Variants in TMEM117 observed in about 807,000 individuals in gnomAD.
TMEM117 encodes the protein transmembrane protein 117.
In TMEM117, 27 loss-of-function variants were observed where a neutral mutation model predicts 52.4. The ratio of observed to expected loss-of-function variants is 0.51; its 90% confidence interval spans 0.38 to 0.71. TMEM117 has a LOEUF of 0.71. TMEM117 is among the 30% of genes least tolerant of loss of function. The pLI is 0.00. For missense variants in TMEM117, 556 were observed against 630.5 expected (o/e 0.88, Z 1.26); for synonymous variants, 215 against 206.3 (o/e 1.04, Z -0.36).
chr12:44,363,126 A>C (rs1196277849), intron 6 of TMEM117, among the ~76,000 whole-genome samples: 1 of 152,130 alleles, frequency 6.6e-6, no homozygotes, highest in Non-Finnish European at 1.5e-5. Flanking sequence ...AAAAACACTC[A>C]TGGGACTGGA....
intron 5 of TMEM117, among the ~76,000 whole-genome samples, chr12:44,239,982 A>T (rs1011764309): frequency 2.0e-5 from 3 of 152,110 alleles, no homozygotes; most frequent in African/African-American, 7.2e-5. Context: ...CTATTATTTA[A>T]TAACTTACAG....
At chr12:43,898,977 G>A (rs1306661983) in intron 2 of TMEM117, among the ~76,000 whole-genome samples, 2 of 152,190 alleles carry the variant, frequency 1.3e-5, no homozygotes, top group East Asian at 3.9e-4. Context: ...GCAGCTGTCC[G>A]TCAGTGGATT....
At chr12:43,975,034 T>C (rs1298335194) in intron 3 of TMEM117, among the ~76,000 whole-genome samples, 2 of 152,150 alleles carry the variant, frequency 1.3e-5, no homozygotes, top group African/African-American at 4.8e-5. Context: ...AGCAAATGAA[T>C]TTGTCATTTT....
At chr12:44,115,899 C>T (rs979922407) in intron 3 of TMEM117, among the ~76,000 whole-genome samples, 2 of 152,168 alleles carry the variant, frequency 1.3e-5, no homozygotes, top group Non-Finnish European at 2.9e-5. Flanking sequence ...ACTAGAAACA[C>T]GATCGTGTCT....
rs144701410 is a variant in TMEM117 at position 43,895,498 on chromosome 12, G to A, written c.278-48712G>A. On this transcript the variant is annotated intron_variant, in intron 2 of 7. Coordinates refer to ENST00000266534, the MANE Select transcript of TMEM117 (RefSeq NM_032256.3). The stretch of plus-strand genomic sequence containing the variant: ...CTTGTTATATTTGAATAGTTTTACA[G>A]TTTATAAATGAATTAAAGCCATTAT... 5.9e-5 allele frequency among the ~76,000 whole-genome samples: 9 copies of A among 152,252 alleles called. No individual in the cohort carries two copies. The East Asian group carries it at 1.7e-3, about 29-fold the overall frequency.
At chr12:44,143,462 C>A in intron 3 of TMEM117, 63 bp from the exon 4 acceptor site, 5 of 1,289,088 alleles carry the variant, frequency 3.9e-6, no homozygotes, top group East Asian at 2.4e-5. Flanking sequence ...GTTGCTGAAC[C>A]AGAAAGCCTT....
chr12:44,227,020 A>G (rs1372549355), intron 5 of TMEM117, among the ~76,000 whole-genome samples: 1 of 152,100 alleles, frequency 6.6e-6, no homozygotes, highest in Non-Finnish European at 1.5e-5. Context: ...AAATACAAGC[A>G]CAACTTCATT....
intron 4 of TMEM117, among the ~76,000 whole-genome samples, chr12:44,165,474 C>G (rs940302056): frequency 4.6e-5 from 7 of 152,062 alleles, no homozygotes; most frequent in African/African-American, 1.7e-4. Context: ...TATATGCAGC[C>G]TAAAGAAATT....
chr12:44,311,765 A>G (rs1244093374), intron 6 of TMEM117, among the ~76,000 whole-genome samples: 19 of 128,290 alleles, frequency 1.5e-4, no homozygotes, highest in African/African-American at 6.8e-4. Flanking sequence ...ATGTATATAT[A>G]TATGTATATA....
chr12:43,837,580 C>G (rs1380488939), intron 1 of TMEM117, among the ~76,000 whole-genome samples: 1 of 152,126 alleles, frequency 6.6e-6, no homozygotes, highest in Non-Finnish European at 1.5e-5. Context: ...CTCTTGACTT[C>G]GTGATCCGCC....
chr12:44,391,308 T>C (rs527344126), downstream of TMEM117, among the ~76,000 whole-genome samples: 1 of 152,280 alleles, frequency 6.6e-6, no homozygotes, highest in South Asian at 2.1e-4. Context: ...TCTATTTGTA[T>C]TGTATAATCA....
chr12:44,079,156 T>C (rs917666455), intron 3 of TMEM117, among the ~76,000 whole-genome samples: 3 of 152,152 alleles, frequency 2.0e-5, no homozygotes, highest in South Asian at 2.1e-4. Context: ...CTATTGTGAA[T>C]AGTGCTGCAA....
intron 3 of TMEM117, among the ~76,000 whole-genome samples, chr12:43,990,992 T>G (rs1163155456): frequency 6.6e-6 from 1 of 152,192 alleles, no homozygotes; most frequent in Non-Finnish European, 1.5e-5. Context: ...TCTACTATAC[T>G]TTGATTAGGT....
At chr12:44,273,237 G>A (rs1241686478) in intron 5 of TMEM117, among the ~76,000 whole-genome samples, 3 of 151,740 alleles carry the variant, frequency 2.0e-5, no homozygotes, top group African/African-American at 7.3e-5. Flanking sequence ...GGAGGTGGGG[G>A]GATAGCATTA....
At chr12:44,266,071 A>G (rs1950374003) in intron 5 of TMEM117, among the ~76,000 whole-genome samples, 1 of 152,152 alleles carries the variant, frequency 6.6e-6, no homozygotes, top group Non-Finnish European at 1.5e-5. Context: ...CACATACTTT[A>G]TCTATGGATA....
chr12:44,144,029 G>A (rs1948607521), intron 4 of TMEM117, among the ~76,000 whole-genome samples: 1 of 152,154 alleles, frequency 6.6e-6, no homozygotes, highest in Admixed American at 6.5e-5. Flanking sequence ...AAGGAATGTG[G>A]TCTGGCCTGT....
chr12:43,879,583 G>T (rs1435569907), intron 2 of TMEM117, among the ~76,000 whole-genome samples: 2 of 152,182 alleles, frequency 1.3e-5, no homozygotes, highest in Non-Finnish European at 2.9e-5. Flanking sequence ...TGGGTCTAAT[G>T]AGGGCTATGT....
At chr12:44,272,434 C>T (rs1221487887) in intron 5 of TMEM117, among the ~76,000 whole-genome samples, 1 of 151,978 alleles carries the variant, frequency 6.6e-6, no homozygotes, top group African/African-American at 2.4e-5. Context: ...GAGTGAACAG[C>T]CCACCTACAG....
intron 5 of TMEM117, among the ~76,000 whole-genome samples, chr12:44,248,163 A>G (rs1327517117): frequency 6.6e-6 from 1 of 152,058 alleles, no homozygotes; most frequent in Non-Finnish European, 1.5e-5. Context: ...ACAAACCCTG[A>G]GCAACTAGAC....
Sources: gnomAD v4.1 joint callset for allele counts (sites outside exome capture counted in the v4.1 genomes callset) on GRCh38, gnomAD v4.1.1 for gene constraint, MANE v1.5 for transcripts, NCBI Gene and HGNC (gene_info 2026-07-23, HGNC 2026-07-21) for gene names.